PTPRT: variants seen among roughly 807,000 people sequenced by gnomAD.
PTPRT encodes protein tyrosine phosphatase receptor type T, also known as receptor-type tyrosine-protein phosphatase T.
PTPRT carries 56 observed loss-of-function variants against 176.8 expected under a neutral mutation model. The ratio of observed to expected loss-of-function variants is 0.32; its 90% CI spans 0.26 to 0.40. The LOEUF is 0.40. Ranked by LOEUF, PTPRT falls within the 10% of genes least tolerant of loss-of-function variation. The pLI is 1.00. For synonymous variants in PTPRT, 783 were observed against 739.0 expected (o/e 1.06, Z -0.96); for missense variants, 1,540 against 1,908.2 (o/e 0.81, Z 3.60).
chr20:42,094,614 G>A (rs900408865), intron 27 of PTPRT, among the ~76,000 whole-genome samples: 9 of 152,114 alleles, frequency 5.9e-5, no homozygotes, highest in African/African-American at 1.9e-4. Context: ...GTAGGACTGG[G>A]TGCAGTGGCT....
At chr20:42,767,070 C>A (rs1431238708) in intron 5 of PTPRT, among the ~76,000 whole-genome samples, 1 of 152,184 alleles carries the variant, frequency 6.6e-6, no homozygotes, top group Admixed American at 6.5e-5. Flanking sequence ...GAGAAACTGG[C>A]CACTGCCTTG....
intron 1 of PTPRT, among the ~76,000 whole-genome samples, chr20:43,137,347 A>C (rs2013864497): frequency 6.6e-6 from 1 of 152,208 alleles, no homozygotes; most frequent in African/African-American, 2.4e-5. Flanking sequence ...TTGTAAATAA[A>C]GTTTTATTTG....
intron 2 of PTPRT, among the ~76,000 whole-genome samples, chr20:42,880,030 G>T (rs879405099): frequency 2.0e-5 from 3 of 152,112 alleles, no homozygotes; most frequent in Non-Finnish European, 4.4e-5. Flanking sequence ...TGAGGAGAGA[G>T]GTTCTCCCAT....
intron 19 of PTPRT, among the ~76,000 whole-genome samples, chr20:42,124,932 G>A (rs1987779644): frequency 6.6e-6 from 1 of 152,106 alleles, no homozygotes; most frequent in Non-Finnish European, 1.5e-5. Flanking sequence ...CTTCAAATTG[G>A]GTTTAGTCAA....
At chr20:42,697,219 G>C (rs1327118466) in intron 6 of PTPRT, among the ~76,000 whole-genome samples, 4 of 152,194 alleles carry the variant, frequency 2.6e-5, no homozygotes, top group Admixed American at 2.6e-4. Flanking sequence ...AGCTTAGAAA[G>C]TAGGCAAAAG....
intron 19 of PTPRT, among the ~76,000 whole-genome samples, chr20:42,125,795 G>A (rs1987824439): frequency 1.3e-5 from 2 of 152,190 alleles, no homozygotes; most frequent in South Asian, 2.1e-4. Flanking sequence ...CAACTTTGGA[G>A]TGAGTGCCTA....
intron 16 of PTPRT, among the ~76,000 whole-genome samples, chr20:42,163,239 T>G (rs1989686286): frequency 6.6e-6 from 1 of 152,118 alleles, no homozygotes; most frequent in African/African-American, 2.4e-5. Flanking sequence ...TCTCTAAAAC[T>G]TCCTAATTCA....
intron 27 of PTPRT, among the ~76,000 whole-genome samples, chr20:42,094,947 G>A (rs1985042553): frequency 6.6e-6 from 1 of 152,074 alleles, no homozygotes; most frequent in African/African-American, 2.4e-5. Flanking sequence ...TTAACTCGTG[G>A]CCTCAACTCC....
chr20:43,153,550 T>C (rs1327783515), intron 1 of PTPRT, among the ~76,000 whole-genome samples: 5 of 152,164 alleles, frequency 3.3e-5, no homozygotes, highest in Non-Finnish European at 1.5e-5. Flanking sequence ...TATAAAATAA[T>C]TCCAGAACTC....
chr20:42,707,053 G>A (rs185019507), intron 6 of PTPRT, among the ~76,000 whole-genome samples: 5 of 152,162 alleles, frequency 3.3e-5, no homozygotes, highest in African/African-American at 4.8e-5. Flanking sequence ...CAAAAGCCAG[G>A]AAGAGGCAAG....
chr20:42,055,368 T>C, the PTPRT span, among the ~76,000 whole-genome samples: 1 of 152,258 alleles, frequency 6.6e-6, no homozygotes, highest in Non-Finnish European at 1.5e-5. Flanking sequence ...ACTTAATCTT[T>C]TGCTGACTAA....
chr20:42,540,692 C>G (rs2072563362), intron 7 of PTPRT, among the ~76,000 whole-genome samples: 1 of 151,792 alleles, frequency 6.6e-6, no homozygotes, highest in Non-Finnish European at 1.5e-5. Context: ...AGCAAACAAA[C>G]CATAAACAAG....
chr20:42,495,670 A>G (rs1479822398), intron 7 of PTPRT, among the ~76,000 whole-genome samples: 1 of 152,208 alleles, frequency 6.6e-6, no homozygotes, highest in African/African-American at 2.4e-5. Context: ...AGAATTTTAG[A>G]TAAGCTATTT....
chr20:43,102,403 T>C (rs956069716), intron 1 of PTPRT, among the ~76,000 whole-genome samples: 4 of 152,116 alleles, frequency 2.6e-5, no homozygotes, highest in Non-Finnish European at 5.9e-5. Flanking sequence ...GCTGACCTAA[T>C]TTTTACATTG....
chr20:43,141,131 A>T (rs536946681), intron 1 of PTPRT, among the ~76,000 whole-genome samples: 34 of 152,346 alleles, frequency 2.2e-4, no homozygotes, highest in Non-Finnish European at 4.3e-4. Context: ...ATAATTTTTT[A>T]AATTTCCGTG....
At chr20:42,905,938 G>A (rs1042360182) in intron 1 of PTPRT, among the ~76,000 whole-genome samples, 2 of 151,796 alleles carry the variant, frequency 1.3e-5, no homozygotes, top group Admixed American at 1.3e-4. Context: ...GCTGGGGGAG[G>A]GACAGCATTA....
At chr20:42,037,599 G>C in the PTPRT span, among the ~76,000 whole-genome samples, 1 of 152,172 alleles carries the variant, frequency 6.6e-6, no homozygotes, top group South Asian at 2.1e-4. Context: ...AGTAATGACA[G>C]TCGTTTCTAC....
chr20:42,109,785 C>T (rs376840459), intron 23 of PTPRT, among the ~76,000 whole-genome samples: 1 of 152,330 alleles, frequency 6.6e-6, no homozygotes, highest in Admixed American at 6.5e-5. Context: ...ATGCACGTGA[C>T]AGACCCAGCA....
intron 1 of PTPRT, among the ~76,000 whole-genome samples, chr20:43,184,051 C>T (rs190950173): frequency 3.9e-5 from 6 of 152,290 alleles, no homozygotes; most frequent in Admixed American, 1.3e-4. Flanking sequence ...TGGGGAGTGT[C>T]TGTTTAACTT....
Sources: allele counts gnomAD v4.1 joint callset (sites outside exome capture counted in the v4.1 genomes callset), GRCh38; gene constraint gnomAD v4.1.1; transcripts MANE v1.5; gene names NCBI Gene and HGNC (gene_info 2026-07-23, HGNC 2026-07-21).